The following LY75 variants were observed in gnomAD, a reference collection of about 807,000 sequenced individuals.
LY75 encodes the protein lymphocyte antigen 75.
In LY75, 185 loss-of-function variants were observed where a neutral mutation model predicts 231.7. The observed-to-expected ratio is 0.80, with a 90% CI of 0.71 to 0.90. LY75 has a LOEUF of 0.90. LY75 is among the 40% of genes least tolerant of loss of function. The pLI is 0.00. For missense variants in LY75, 1,947 were observed against 2,050.2 expected, an observed-to-expected ratio of 0.95 and a Z score of 0.97; for synonymous variants, 668 against 689.0, an observed-to-expected ratio of 0.97 and a Z score of 0.48.
At chr2:159,891,731 T>C (rs1685764179) in intron 3 of LY75, among the ~76,000 whole-genome samples, 2 of 152,188 alleles carry the variant, frequency 1.3e-5, no homozygotes, top group Admixed American at 6.5e-5. Context: ...GGTAAATATG[T>C]ACAGTGGGGA....
intron 33 of LY75, chr2:159,808,186 A>C: frequency 1.1e-6 from 1 of 933,962 alleles, no homozygotes. Context: ...TGTTGATCCA[A>C]GGATCCCAGA....
intron 1 of LY75, among the ~76,000 whole-genome samples, chr2:159,900,778 T>C (rs780986674): frequency 2.6e-5 from 4 of 152,118 alleles, no homozygotes; most frequent in Non-Finnish European, 4.4e-5. Context: ...ATTTTAAATC[T>C]GAATTTTAAA....
At chr2:159,855,476 C>A (rs940698693) in intron 16 of LY75, among the ~76,000 whole-genome samples, 3 of 152,120 alleles carry the variant, frequency 2.0e-5, no homozygotes, top group Non-Finnish European at 4.4e-5. Context: ...TGAGACAAAA[C>A]TGAGAGGAAA....
chr2:159,898,271 C>T (rs1043738355), intron 2 of LY75, among the ~76,000 whole-genome samples: 21 of 151,988 alleles, frequency 1.4e-4, no homozygotes, highest in African/African-American at 4.1e-4. Context: ...TGCACCACTA[C>T]GCCTGACCTT....
chr2:159,882,093 C>T (rs762953385), intron 7 of LY75, 31 bp downstream of exon 7: 8 of 1,591,694 alleles, frequency 5.0e-6, no homozygotes, highest in Non-Finnish European at 6.8e-6. Flanking sequence ...ATGGCTTAAG[C>T]CTCTCAAATA....
At chr2:159,837,787 A>T (rs551875266) in intron 25 of LY75, among the ~76,000 whole-genome samples, 1 of 152,224 alleles carries the variant, frequency 6.6e-6, no homozygotes, top group South Asian at 2.1e-4. Flanking sequence ...TCCTTTCAGG[A>T]TTATTCCCCT....
chr2:159,831,921 T>C (rs2125841412), intron 27 of LY75, 135 bp from the exon 28 acceptor site: 3 of 696,756 alleles, frequency 4.3e-6, no homozygotes, highest in Non-Finnish European at 6.7e-6. Flanking sequence ...TAGAAACATA[T>C]GTAAAATAAA....
intron 23 of LY75, among the ~76,000 whole-genome samples, chr2:159,843,490 A>AT (rs5835770): frequency 0.044 from 6,575 of 148,796 alleles, 453 homozygotes; most frequent in African/African-American, 0.15. Context: ...AATAATGGCC[A>AT]TTTTTTTTTT....
At chr2:159,893,789 AT>A (rs1453367565) in intron 3 of LY75, 124 bp downstream of exon 3, 16 of 1,353,840 alleles carry the variant, frequency 1.2e-5, no homozygotes, top group African/African-American at 1.5e-5. Context: ...TCCTCCAAAC[AT>A]ACACTTCTTA....
rs1682932040 is a variant in LY75, at chr2:159,810,651, T to TA, written c.4573dup (p.Tyr1525LeufsTer26). 1 of 1,613,606 alleles carries TA rather than the reference T, an allele frequency of 6.2e-7. No homozygotes were observed. Among genetic ancestry groups the TA allele is most frequent in the Non-Finnish European group, 8.5e-7 (1 of 1,179,896 alleles). The stretch of plus-strand genomic sequence containing the variant: ...TTTTGCTGCTGGACATCTTGATGAA[T>TA]ATGTAAGACGGGACAGCTTTTTAGC... On this transcript the variant is annotated frameshift_variant, in exon 32 of 35. Transcript: ENST00000263636. LOFTEE classifies it high-confidence loss of function.
rs565352076 is a variant in LY75 at position 159,841,240 on chromosome 2, G to A, written c.3281-285C>T. Among the ~76,000 whole-genome samples, 3 of 152,256 alleles carry A rather than the reference G, an allele frequency of 2.0e-5. No individual in the cohort carries two copies. In the South Asian group the frequency reaches 6.2e-4, roughly 32 times the overall value. ...AATGTAACCTGCATTATCATGTCAT[G>A]TCGGTGCTAAATACCTCTTTTGTTT... On this transcript the variant is annotated intron_variant, in intron 24 of 34. Coordinates refer to ENST00000263636, the MANE Select transcript of LY75 (RefSeq NM_002349.4).
At chr2:159,839,426 G>A (rs1683936100) in intron 25 of LY75, among the ~76,000 whole-genome samples, 1 of 152,184 alleles carries the variant, frequency 6.6e-6, no homozygotes, top group East Asian at 1.9e-4. Context: ...TTAGTGATGC[G>A]AATTAGTAGG....
At chr2:159,817,159 A>G (rs1683144973) in intron 29 of LY75, 127 bp from the exon 30 acceptor site, 6 of 1,005,118 alleles carry the variant, frequency 6.0e-6, no homozygotes, top group Non-Finnish European at 8.3e-6. Context: ...GGGAGGTCAA[A>G]TGTATATTTT....
At chr2:159,820,077 T>A (rs1307838233) in intron 28 of LY75, 157 bp from the exon 29 acceptor site, 3 of 311,092 alleles carry the variant, frequency 9.6e-6, no homozygotes, top group Non-Finnish European at 1.4e-5. Flanking sequence ...TTTCTGATTA[T>A]AACAGTAAAT....
At chr2:159,870,653 T>C (rs1306888319) in intron 13 of LY75, among the ~76,000 whole-genome samples, 1 of 149,590 alleles carries the variant, frequency 6.7e-6, no homozygotes, top group African/African-American at 2.4e-5. Flanking sequence ...TACAGGTGTG[T>C]GCCACCATGC....
chr2:159,885,210 C>G lies in LY75; in HGVS notation c.997G>C (p.Glu333Gln), dbSNP rs1423834805. The change falls in exon 6 of 35, where the codon GAA becomes CAA. Residue 333 changes from glutamate to glutamine, a missense_variant. Glu to Gln is a conservative substitution (Grantham distance 29). Transcript: ENST00000263636. ...CTGCAGACATAGGGCAGTTGAGCTTCACAGGAAAAGCTCTGCCACAGACCA... is the reference window on the plus strand; with the variant it reads ...CTGCAGACATAGGGCAGTTGAGCTTGACAGGAAAAGCTCTGCCACAGACCA... ...ESGLWQSFSCEAQLPYVCRKP... is the reference protein window; with the variant it reads ...ESGLWQSFSCQAQLPYVCRKP... 6.2e-7 allele frequency: 1 copy of G among 1,613,676 alleles called. No homozygotes were observed. Among genetic ancestry groups the G allele is most frequent in the South Asian group, 1.1e-5 (1 of 91,070 alleles).
chr2:159,841,106 T>C, intron 24 of LY75, 151 bp from the exon 25 acceptor site: 5 of 1,174,312 alleles, frequency 4.3e-6, no homozygotes, highest in Non-Finnish European at 5.8e-6. Context: ...ATTAGGTATG[T>C]CTTGCTGTAT....
At position 159,886,430 on chromosome 2, in the gene LY75, G is replaced by T; in HGVS notation, c.903C>A (p.Asn301Lys). The T allele has an allele frequency of 6.2e-7, 1 of 1,607,030 alleles. No homozygotes were observed. Among genetic ancestry groups the T allele is most frequent in the East Asian group, 2.2e-5 (1 of 44,754 alleles). The change falls in exon 5 of 35, where the codon AAC (asparagine) becomes AAA (lysine). Residue 301 changes from asparagine (N) to lysine (K), a missense_variant. Asn to Lys is a moderately conservative substitution (Grantham distance 94). Coordinates refer to ENST00000263636, the MANE Select transcript of LY75 (RefSeq NM_002349.4). ...WSDHKPLNFL[N>K]WDPDRPSAPT... ...GGAAAGAGCAGTTACCTGGATCCCA[G>T]TTGAGAAAGTTTAATGGTTTGTGGT...
chr2:159,807,161 C>A, intron 33 of LY75, 21 bp from the exon 34 acceptor site: 1 of 1,599,852 alleles, frequency 6.3e-7, no homozygotes, highest in Non-Finnish European at 8.5e-7. Context: ...AAATTAAATA[C>A]AACTATGTCT....
Sources: allele counts gnomAD v4.1 joint callset (sites outside exome capture counted in the v4.1 genomes callset), GRCh38; gene constraint gnomAD v4.1.1; transcripts MANE v1.5; gene names NCBI Gene and HGNC (gene_info 2026-07-23, HGNC 2026-07-21).